The following EPHA6 variants were observed in gnomAD, a reference collection of about 807,000 sequenced individuals.
EPHA6 encodes EPH receptor A6.
A neutral mutation model predicts 112.0 loss-of-function variants in EPHA6; 50 were observed. The observed-to-expected ratio is 0.45, with a 90% CI of 0.36 to 0.56. The LOEUF (loss-of-function observed/expected upper bound fraction) is 0.56. EPHA6 is among the 20% of genes least tolerant of loss of function. EPHA6 has a pLI of 0.00. For missense variants in EPHA6, 1,280 were observed against 1,417.4 expected (o/e 0.90, Z 1.56); for synonymous variants, 529 against 490.7 (o/e 1.08, Z -1.03).
In EPHA6 at chr3:97,648,350, T is replaced by C. The variant is rs535679327; in HGVS notation, c.2784+10268T>C. Reference sequence around the variant, plus strand: ...GCATAAATTCTGAGAAAAGCCAAATTTTCTGTCGGTCTAAGAAGACATAGC... The same window carrying C: ...GCATAAATTCTGAGAAAAGCCAAATCTTCTGTCGGTCTAAGAAGACATAGC... On this transcript the variant is annotated intron_variant, in intron 14 of 17. Coordinates refer to ENST00000389672, the MANE Select transcript of EPHA6 (RefSeq NM_001080448.3). 3.7e-6 allele frequency: 6 copies of C among 1,603,528 alleles called. No homozygotes were observed. The African/African-American group carries it at 5.4e-5, about 14-fold the overall frequency.
chr3:97,532,618 C>T, intron 11 of EPHA6, 75 bp downstream of exon 11: 2 of 1,177,390 alleles, frequency 1.7e-6, no homozygotes, highest in Non-Finnish European at 1.2e-6. Context: ...GAAAAATCTT[C>T]ATAATAATAC....
intron 6 of EPHA6, among the ~76,000 whole-genome samples, chr3:97,440,074 A>G (rs1317139209): frequency 6.6e-6 from 1 of 152,120 alleles, no homozygotes; most frequent in Non-Finnish European, 1.5e-5. Context: ...ATTTTTCAGG[A>G]AATTGCAGCC....
In EPHA6 at chr3:97,135,179, GGATAT is replaced by G. The variant is rs1451019906; in HGVS notation, c.1115-91082_1115-91078del. On this transcript the variant is annotated intron_variant, in intron 3 of 17. Transcript: ENST00000389672. ...TTTCAGTTATGCCCAACAACTAGCA[GGATAT>G]GACACAGTGGCACAACGCTAACTTT... Among the ~76,000 whole-genome samples the G allele has an allele frequency of 2.0e-4, 31 of 152,252 alleles. 1 individual carries two copies. The Middle Eastern group carries it at 0.01, about 50-fold the overall frequency.
intron 5 of EPHA6, among the ~76,000 whole-genome samples, chr3:97,352,501 G>T (rs978666985): frequency 6.6e-6 from 1 of 152,168 alleles, no homozygotes; most frequent in Non-Finnish European, 1.5e-5. Flanking sequence ...AGAGAATGCA[G>T]TGACTGTGGG....
In EPHA6 at chr3:96,928,806, AT is replaced by A. The variant is rs2040170141; in HGVS notation, c.451-58522del. On this transcript the variant is annotated intron_variant, in intron 2 of 17. Coordinates refer to ENST00000389672, the MANE Select transcript of EPHA6 (RefSeq NM_001080448.3). ...GCTTTATGAATCTGGGTGCTCCTCT[AT>A]TGGGTGCATATATATTTAGAATAAT... Among the ~76,000 whole-genome samples, 17 of 152,200 alleles carry A rather than the reference AT, an allele frequency of 1.1e-4. No homozygotes were observed. In the South Asian group the frequency reaches 3.5e-3, roughly 32 times the overall value.
chr3:97,177,939 A>G (rs1432108809), intron 3 of EPHA6, among the ~76,000 whole-genome samples: 1 of 151,914 alleles, frequency 6.6e-6, no homozygotes, highest in Non-Finnish European at 1.5e-5. Flanking sequence ...AGTTTGGTCC[A>G]TTTACATTCA....
At chr3:97,629,492 A>G (rs1258068694) in intron 13 of EPHA6, among the ~76,000 whole-genome samples, 1 of 152,026 alleles carries the variant, frequency 6.6e-6, no homozygotes, top group South Asian at 2.1e-4. Flanking sequence ...TAGCATGAGT[A>G]TACCTCTTTA....
intron 2 of EPHA6, among the ~76,000 whole-genome samples, chr3:96,891,583 C>T (rs953657281): frequency 5.3e-5 from 8 of 152,098 alleles, no homozygotes; most frequent in African/African-American, 1.9e-4. Flanking sequence ...GTGACGGGTT[C>T]CTGTAATCCC....
intron 3 of EPHA6, among the ~76,000 whole-genome samples, chr3:97,078,294 G>A (rs1373185129): frequency 6.6e-6 from 1 of 152,050 alleles, no homozygotes; most frequent in Non-Finnish European, 1.5e-5. Context: ...CTGGATATTA[G>A]CCCTTTTTCA....
intron 5 of EPHA6, among the ~76,000 whole-genome samples, chr3:97,279,231 A>G (rs565742350): frequency 6.6e-6 from 1 of 152,284 alleles, no homozygotes; most frequent in South Asian, 2.1e-4. Context: ...GGAAAGAGAA[A>G]CATGGTATTT....
chr3:97,710,697 A>G (rs2033918673), intron 14 of EPHA6, among the ~76,000 whole-genome samples: 1 of 152,168 alleles, frequency 6.6e-6, no homozygotes, highest in Non-Finnish European at 1.5e-5. Flanking sequence ...AGATCACAAA[A>G]CAGATTAGAG....
chr3:97,730,924 C>T (rs968961190), intron 15 of EPHA6, among the ~76,000 whole-genome samples: 5 of 152,016 alleles, frequency 3.3e-5, no homozygotes, highest in South Asian at 2.1e-4. Context: ...AAGGGTAAAA[C>T]GGAACACAGC....
At chr3:97,504,497 T>G (rs2092197466) in intron 10 of EPHA6, among the ~76,000 whole-genome samples, 1 of 152,136 alleles carries the variant, frequency 6.6e-6, no homozygotes, top group African/African-American at 2.4e-5. Flanking sequence ...TTGAGTTACT[T>G]TATATAGCTT....
At chr3:97,352,814 G>A (rs958394987) in intron 5 of EPHA6, among the ~76,000 whole-genome samples, 30 of 152,208 alleles carry the variant, frequency 2.0e-4, no homozygotes, top group African/African-American at 6.7e-4. Flanking sequence ...GTGGCCAAGC[G>A]GGGAGTGTTT....
At chr3:97,017,782 CTGCT>C (rs1249171332) in intron 3 of EPHA6, among the ~76,000 whole-genome samples, 1 of 152,116 alleles carries the variant, frequency 6.6e-6, no homozygotes, top group Non-Finnish European at 1.5e-5. Context: ...TGGGTTAAAT[CTGCT>C]TGGTGTTCTA....
chr3:97,523,685 T>G (rs1029742739), intron 10 of EPHA6, among the ~76,000 whole-genome samples: 8 of 152,076 alleles, frequency 5.3e-5, no homozygotes, highest in Non-Finnish European at 1.2e-4. Flanking sequence ...TATTATAGTC[T>G]ATCTCTTCAG....
At chr3:97,390,395 C>G (rs148218348) in intron 5 of EPHA6, among the ~76,000 whole-genome samples, 4 of 151,966 alleles carry the variant, frequency 2.6e-5, no homozygotes, top group African/African-American at 9.6e-5. Context: ...CTTTCTGTGA[C>G]TTCTGGAATA....
intron 2 of EPHA6, among the ~76,000 whole-genome samples, chr3:96,907,651 T>C (rs2039005966): frequency 6.6e-6 from 1 of 151,918 alleles, no homozygotes; most frequent in African/African-American, 2.4e-5. Context: ...GTATTTCATG[T>C]TTTTAAGTCA....
At chr3:97,013,283 T>C (rs1038931332) in intron 3 of EPHA6, among the ~76,000 whole-genome samples, 4 of 152,138 alleles carry the variant, frequency 2.6e-5, no homozygotes, top group African/African-American at 9.6e-5. Context: ...TTTATATTCT[T>C]TGTGTAAAAG....
Sources: allele counts gnomAD v4.1 joint callset (sites outside exome capture counted in the v4.1 genomes callset), GRCh38; gene constraint gnomAD v4.1.1; transcripts MANE v1.5; gene names NCBI Gene and HGNC (gene_info 2026-07-23, HGNC 2026-07-21).